SAMSN1: variants seen among roughly 807,000 people sequenced by gnomAD.
SAMSN1 encodes the protein SAM domain, SH3 domain and nuclear localization signals 1.
Under a neutral mutation model 42.0 loss-of-function variants are expected in SAMSN1, and 31 were observed. That is an observed-to-expected ratio of 0.74 (90% CI 0.55 to 1.00). The LOEUF (loss-of-function observed/expected upper bound fraction) is 1.00. SAMSN1 is among the 50% of genes least tolerant of loss of function. The pLI is 0.00. For missense variants in SAMSN1, 464 were observed against 439.4 expected (o/e 1.06, Z -0.50); for synonymous variants, 178 against 151.9 (o/e 1.17, Z -1.26).
intron 2 of SAMSN1, among the ~76,000 whole-genome samples, chr21:14,627,255 A>G (rs545833837): frequency 7.5e-6 from 1 of 133,978 alleles, no homozygotes; most frequent in Admixed American, 8.0e-5. Flanking sequence ...GTGCACATGT[A>G]CCCTAGAACT....
intron 2 of SAMSN1, among the ~76,000 whole-genome samples, chr21:14,579,252 A>G (rs528508224): frequency 6.6e-6 from 1 of 152,222 alleles, no homozygotes; most frequent in Non-Finnish European, 1.5e-5. Context: ...TCTGTCACGA[A>G]TGCTGAACAA....
intron 6 of SAMSN1, chr21:14,601,941 T>G (rs1568826788): frequency 2.2e-5 from 11 of 511,488 alleles, no homozygotes; most frequent in Non-Finnish European, 4.0e-5. Context: ...GTGTAAGTAT[T>G]GTACACTATG....
At chr21:14,547,403 G>C (rs957157543), upstream of SAMSN1, among the ~76,000 whole-genome samples, 2 of 151,998 alleles carry the variant, frequency 1.3e-5, no homozygotes, top group Non-Finnish European at 2.9e-5. Context: ...GTTTCCCCAT[G>C]GTTTAAAAAT....
At chr21:14,492,120 T>C (rs1402604624) in intron 7 of SAMSN1, among the ~76,000 whole-genome samples, 1 of 152,212 alleles carries the variant, frequency 6.6e-6, no homozygotes, top group Non-Finnish European at 1.5e-5. Flanking sequence ...GATTTTTAGT[T>C]AGTATTTTTG....
intron 7 of SAMSN1, among the ~76,000 whole-genome samples, chr21:14,496,802 C>G (rs1882827882): frequency 6.6e-6 from 1 of 152,176 alleles, no homozygotes; most frequent in South Asian, 2.1e-4. Context: ...ATGATGAAAT[C>G]AGTTCTGCTG....
chr21:14,566,932 C>G (rs9980028), intron 2 of SAMSN1, among the ~76,000 whole-genome samples: 24,427 of 152,024 alleles, frequency 0.16, 2,040 homozygotes, highest in East Asian at 0.3. Flanking sequence ...ATGGTTCAAA[C>G]ATCTTAGGAT....
chr21:14,529,170 T>A (rs1979076271), intron 1 of SAMSN1, among the ~76,000 whole-genome samples: 1 of 152,232 alleles, frequency 6.6e-6, no homozygotes, highest in African/African-American at 2.4e-5. Flanking sequence ...TGTTTTTTAT[T>A]CAAGGAATAT....
intron 2 of SAMSN1, among the ~76,000 whole-genome samples, chr21:14,625,193 A>G (rs891636379): frequency 7.2e-5 from 11 of 152,226 alleles, no homozygotes; most frequent in Admixed American, 3.9e-4. Context: ...CAAAAACTGG[A>G]CGCATTCCCT....
chr21:14,586,212 G>A (rs1261375270), upstream of SAMSN1, among the ~76,000 whole-genome samples: 3 of 126,572 alleles, frequency 2.4e-5, no homozygotes, highest in South Asian at 2.4e-4. Flanking sequence ...GCAGTGAGCC[G>A]AGATCGCACC....
intron 7 of SAMSN1, among the ~76,000 whole-genome samples, chr21:14,486,837 TA>T (rs1986454634): frequency 6.6e-6 from 1 of 152,190 alleles, no homozygotes; most frequent in Non-Finnish European, 1.5e-5. Context: ...TCTGCATTCT[TA>T]AAGCAGTGTT....
upstream of SAMSN1, among the ~76,000 whole-genome samples, chr21:14,659,361 T>G (rs1983963636): frequency 6.6e-6 from 1 of 152,044 alleles, no homozygotes; most frequent in Non-Finnish European, 1.5e-5. Context: ...TCTACATTGT[T>G]GGGCAACTGT....
intron 2 of SAMSN1, among the ~76,000 whole-genome samples, chr21:14,567,556 C>G (rs1981161624): frequency 6.6e-6 from 1 of 152,144 alleles, no homozygotes; most frequent in Non-Finnish European, 1.5e-5. Flanking sequence ...AAGCACAAAA[C>G]TACCTCTGGG....
chr21:14,508,428 A>C (rs1319777940), intron 5 of SAMSN1, among the ~76,000 whole-genome samples: 1 of 152,252 alleles, frequency 6.6e-6, no homozygotes, highest in African/African-American at 2.4e-5. Context: ...AAGAAGATAC[A>C]CAAATGGCCA....
At chr21:14,619,852 G>A (rs143950841) in intron 2 of SAMSN1, among the ~76,000 whole-genome samples, 1 of 152,238 alleles carries the variant, frequency 6.6e-6, no homozygotes, top group East Asian at 1.9e-4. Flanking sequence ...GTAATAAACT[G>A]GAGGGAATTT....
rs1983529049 is a variant in SAMSN1, at chr21:14,638,865, C to T, written c.156+4137G>A. 2.0e-5 allele frequency among the ~76,000 whole-genome samples: 3 copies of T among 152,352 alleles called. No homozygotes were observed. In the South Asian group the frequency reaches 6.2e-4, roughly 32 times the overall value. On this transcript the variant is annotated intron_variant, in intron 2 of 15. Transcript: ENST00000647101. Reference sequence around the variant, plus strand: ...ACAGAGCTAGAAAGAGAATCCACAACTGCTCAAATCCAAAGCTGACAATTT... The same window carrying T: ...ACAGAGCTAGAAAGAGAATCCACAATTGCTCAAATCCAAAGCTGACAATTT...
chr21:14,500,698 A>C lies in SAMSN1; in HGVS notation c.599T>G (p.Met200Arg). The change falls in exon 6 of 8, where the codon ATG (methionine) becomes AGG (arginine). Residue 200 changes from methionine (M) to arginine (R), a missense_variant. Coordinates refer to ENST00000400566, the MANE Select transcript of SAMSN1 (RefSeq NM_022136.5). Reference protein sequence around the residue: ...DIIDIICKTPMGMWTGMLNNK... With the variant: ...DIIDIICKTPRGMWTGMLNNK... Reference sequence around the variant, plus strand: ...GTTCAACATTCCTGTCCACATCCCCATTGGTGTTTTGCAAATAATGTCTAT... The same window carrying C: ...GTTCAACATTCCTGTCCACATCCCCCTTGGTGTTTTGCAAATAATGTCTAT... 6.2e-7 allele frequency: 1 copy of C among 1,614,060 alleles called. No individual in the cohort carries two copies. The highest frequency in any genetic ancestry group is 8.5e-7 in the Non-Finnish European group (1 of 1,179,948).
At chr21:14,526,033 T>C (rs577044832) in intron 1 of SAMSN1, among the ~76,000 whole-genome samples, 9 of 151,988 alleles carry the variant, frequency 5.9e-5, no homozygotes, top group Non-Finnish European at 1.3e-4. Flanking sequence ...GCCCAGCTAA[T>C]TTTTTTGTAT....
chr21:14,603,144 A>C (rs1255880741), intron 5 of SAMSN1, among the ~76,000 whole-genome samples: 1 of 152,106 alleles, frequency 6.6e-6, no homozygotes, highest in East Asian at 1.9e-4. Flanking sequence ...GAGCTTTTGC[A>C]GCTTGGTTTT....
At chr21:14,599,838 C>T (rs975741659) in intron 6 of SAMSN1, among the ~76,000 whole-genome samples, 7 of 152,116 alleles carry the variant, frequency 4.6e-5, no homozygotes, top group African/African-American at 1.4e-4. Flanking sequence ...TTATAAACTA[C>T]CCGGTCTCAA....
Sources: gnomAD v4.1 joint callset for allele counts (sites outside exome capture counted in the v4.1 genomes callset) on GRCh38, gnomAD v4.1.1 for gene constraint, MANE v1.5 for transcripts, NCBI Gene and HGNC (gene_info 2026-07-23, HGNC 2026-07-21) for gene names.